The following ZNF317 variants were observed in gnomAD, a reference collection of about 807,000 sequenced individuals.
ZNF317 encodes KRAB-containing zinc finger protein 317.
A neutral mutation model predicts 23.4 loss-of-function variants in ZNF317; 17 were observed. The ratio of observed to expected loss-of-function variants is 0.73; its 90% CI spans 0.50 to 1.09. The LOEUF (loss-of-function observed/expected upper bound fraction) is 1.09. Ranked by LOEUF, ZNF317 falls within the 50% of genes least tolerant of loss-of-function variation. ZNF317 has a pLI of 0.00. For synonymous variants in ZNF317, 317 were observed against 314.9 expected, an observed-to-expected ratio of 1.01 and a Z score of -0.07; for missense variants, 679 against 796.7, an observed-to-expected ratio of 0.85 and a Z score of 1.78.
intron 1 of ZNF317, among the ~76,000 whole-genome samples, chr19:9,142,750 T>G (rs1283573488): frequency 1.3e-5 from 2 of 152,176 alleles, no homozygotes; most frequent in Admixed American, 6.5e-5. Flanking sequence ...ATTAAACCAA[T>G]TGATTTTCTC....
At position 9,162,069 on chromosome 19, in the gene ZNF317, C is replaced by G. The variant is rs1396815040; in HGVS notation, c.*636C>G. ...TCTGAAATACTTCCTGTCATCTGCCCCTTTCCAGAAAAACTTGGCCGACCC... is the reference window on the plus strand; with the variant it reads ...TCTGAAATACTTCCTGTCATCTGCCGCTTTCCAGAAAAACTTGGCCGACCC... On this transcript the variant is annotated 3_prime_UTR_variant, in exon 7 of 7. Transcript: ENST00000247956. The G allele has an allele frequency of 1.3e-5, 2 of 152,160 alleles. No individual in the cohort carries two copies. The highest frequency in any genetic ancestry group is 2.9e-5 in the Non-Finnish European group (2 of 68,094). The allele number at this position is 152,160 out of a possible 1,614,324, so 9.4% of individuals were successfully genotyped here.
At chr19:9,151,257 C>T (rs188223178) in intron 1 of ZNF317, among the ~76,000 whole-genome samples, 24 of 152,300 alleles carry the variant, frequency 1.6e-4, no homozygotes, top group Non-Finnish European at 4.4e-5. Flanking sequence ...ATGAAAGCGT[C>T]ATGCATCTTT....
chr19:9,147,629 G>A (rs943144222), intron 1 of ZNF317, among the ~76,000 whole-genome samples: 39 of 152,258 alleles, frequency 2.6e-4, no homozygotes, highest in African/African-American at 8.2e-4. Context: ...GAGCCACCAC[G>A]CCCGGCTGAT....
Position 9,160,455 on chromosome 19 carries a change from A to T in ZNF317, c.810A>T (p.Arg270Ser), listed in dbSNP as rs2050837133. ...CTTCAGCCCTTAGGAGCCACGCAAG[A>T]ACTCACCTCAAAGAGAAGCCCTTTG... ...NDPSALRSHA[R>S]THLKEKPFDC... The change falls in exon 7 of 7, where the codon AGA becomes AGT. Residue 270 changes from arginine (R) to serine (S), a missense_variant. Transcript: ENST00000247956. This position sits in a 1 kb window ranked among gnomAD's most constrained non-coding sequence, Gnocchi z 6.8. 4 of 1,613,712 alleles carry T rather than the reference A, an allele frequency of 2.5e-6. No individual in the cohort carries two copies. The highest frequency in any genetic ancestry group is 3.4e-6 in the Non-Finnish European group (4 of 1,179,938).
In ZNF317 at chr19:9,160,186, C is replaced by T. The variant is rs1336687484; in HGVS notation, c.541C>T (p.Leu181Phe). ...CGAAGTCTTTGGCATGGACCCTCAT[C>T]TCACTCAGCCAATGGGAAGGCACGC... Reference protein sequence around the residue: ...LFEVFGMDPHLTQPMGRHAGK... With the variant: ...LFEVFGMDPHFTQPMGRHAGK... The change falls in exon 7 of 7, where the codon CTC becomes TTC. Residue 181 changes from leucine to phenylalanine, a missense_variant. Transcript: ENST00000247956. The surrounding 1 kb of genome is among the most constrained non-coding windows in gnomAD (Gnocchi z 6.8). 2 of 1,614,068 alleles carry T rather than the reference C, an allele frequency of 1.2e-6. No homozygotes were observed. Among genetic ancestry groups the T allele is most frequent in the African/African-American group, 2.7e-5 (2 of 74,936 alleles).
At chr19:9,153,286 C>T (rs533641911) in intron 1 of ZNF317, among the ~76,000 whole-genome samples, 30 of 152,038 alleles carry the variant, frequency 2.0e-4, no homozygotes, top group Admixed American at 3.3e-4. Flanking sequence ...CTCAGCCTCC[C>T]GAGTAGCTGG....
intron 1 of ZNF317, among the ~76,000 whole-genome samples, chr19:9,154,672 T>C (rs931657366): frequency 6.6e-6 from 1 of 152,258 alleles, no homozygotes; most frequent in Non-Finnish European, 1.5e-5. Flanking sequence ...ATCAGACTAC[T>C]ACAGACATTT....
Position 9,161,555 on chromosome 19 carries a change from G to A in ZNF317, c.*122G>A. On this transcript the variant is annotated 3_prime_UTR_variant, in exon 7 of 7. Transcript: ENST00000247956. The surrounding 1 kb of genome is among the most constrained non-coding windows in gnomAD (Gnocchi z 4.0). ...AAAGAATCCACGGAACTTGGGAGAAGTCCAGTTCCTGTAAAAACTGGGAAG... is the reference window on the plus strand; with the variant it reads ...AAAGAATCCACGGAACTTGGGAGAAATCCAGTTCCTGTAAAAACTGGGAAG... 3 of 1,428,090 alleles carry A rather than the reference G, an allele frequency of 2.1e-6. No individual in the cohort carries two copies. Among genetic ancestry groups the A allele is most frequent in the Non-Finnish European group, 1.9e-6 (2 of 1,065,102 alleles). 88.5% of individuals were successfully genotyped at this position (1,428,090 alleles called of 1,614,324 possible).
chr19:9,142,736 G>A (rs1187126135), intron 1 of ZNF317, among the ~76,000 whole-genome samples: 1 of 151,924 alleles, frequency 6.6e-6, no homozygotes, highest in Non-Finnish European at 1.5e-5. Flanking sequence ...CTGTAGTGTG[G>A]CAAATTAAAC....
At position 9,152,879 on chromosome 19, in the gene ZNF317, T is replaced by C. The variant is rs28869265; in HGVS notation, c.-92-3046T>C. 6.2e-3 allele frequency among the ~76,000 whole-genome samples: 939 copies of C among 152,256 alleles called. 12 individuals carry two copies. The highest frequency in any genetic ancestry group is 0.022 in the African/African-American group (913 of 41,556). ...CTGCTAGTGTAGATGATCTAATGTG[T>C]TGGTGCATAATTGTTCATGGCATTC... On this transcript the variant is annotated intron_variant, in intron 1 of 6. Coordinates refer to ENST00000247956, the MANE Select transcript of ZNF317 (RefSeq NM_020933.5).
rs1471651145 is a variant in ZNF317, at chr19:9,161,278, C to T, written c.1633C>T (p.Leu545=). ...CGKAFSIGSN[L]NVHRRIHTGE... ...GAAGGCCTTCAGCATAGGCTCCAAC[C>T]TGAATGTGCACAGGCGGATCCACAC... The change falls in exon 7 of 7, where the codon CTG becomes TTG. Residue 545 remains leucine (L), a synonymous_variant. Coordinates refer to ENST00000247956, the MANE Select transcript of ZNF317 (RefSeq NM_020933.5). This position sits in a 1 kb window ranked among gnomAD's most constrained non-coding sequence, Gnocchi z 4.0. The T allele has an allele frequency of 1.2e-6, 2 of 1,613,566 alleles. No homozygotes were observed. Among genetic ancestry groups the T allele is most frequent in the Non-Finnish European group, 1.7e-6 (2 of 1,179,778 alleles).
chr19:9,151,853 A>G (rs1233917590), intron 1 of ZNF317, among the ~76,000 whole-genome samples: 1 of 149,464 alleles, frequency 6.7e-6, no homozygotes, highest in African/African-American at 2.5e-5. Context: ...AATGTCCTTG[A>G]TGTTAATTCT....
chr19:9,163,038 T>A lies in ZNF317; in HGVS notation c.*1605T>A, dbSNP rs2050876877. On this transcript the variant is annotated 3_prime_UTR_variant, in exon 7 of 7. Coordinates refer to ENST00000247956, the MANE Select transcript of ZNF317 (RefSeq NM_020933.5). ...TAGTAAGGTGTGCTAATCTAAATTT[T>A]AAAAAATCTCTTACAGGTTTTCTTG... is the stretch of plus-strand genomic sequence containing the variant. 1 of 152,172 alleles carries A rather than the reference T, an allele frequency of 6.6e-6. No individual in the cohort carries two copies. The highest frequency in any genetic ancestry group is 2.4e-5 in the African/African-American group (1 of 41,428). 9.4% of individuals were successfully genotyped at this position (152,172 alleles called of 1,614,324 possible).
intron 1 of ZNF317, among the ~76,000 whole-genome samples, chr19:9,153,160 G>A (rs1386386642): frequency 1.4e-5 from 2 of 140,634 alleles, no homozygotes; most frequent in East Asian, 3.9e-4. Flanking sequence ...TTGTTTGTTT[G>A]TTTGTTTGTT....
chr19:9,149,222 G>T (rs1292632960), intron 1 of ZNF317, among the ~76,000 whole-genome samples: 1 of 152,118 alleles, frequency 6.6e-6, no homozygotes, highest in Non-Finnish European at 1.5e-5. Flanking sequence ...GCAGGGGTTT[G>T]CATTTTAAAA....
intron 1 of ZNF317, among the ~76,000 whole-genome samples, chr19:9,149,877 C>T (rs1364439771): frequency 6.6e-6 from 1 of 152,110 alleles, no homozygotes; most frequent in African/African-American, 2.4e-5. Context: ...TTGGAATGTT[C>T]TAGAAGAGAA....
intron 4 of ZNF317, 125 bp from the exon 5 acceptor site, chr19:9,157,855 G>C: frequency 7.1e-7 from 1 of 1,406,414 alleles, no homozygotes; most frequent in South Asian, 1.7e-5. Context: ...CCACCATTTT[G>C]CTGCTCCTAA....
At position 9,158,047 on chromosome 19, in the gene ZNF317, GA is replaced by G; in HGVS notation, c.358del (p.Arg120GlyfsTer35). The G allele has an allele frequency of 1.3e-6, 2 of 1,551,490 alleles. No individual in the cohort carries two copies. Among genetic ancestry groups the G allele is most frequent in the Non-Finnish European group, 1.7e-6 (2 of 1,146,932 alleles). The part of the protein sequence containing the change: ...EQEEEPRTEE[R>X]GAHQGACADW... ...AGGAGGAGGAGCCGAGGACAGAGGA[GA>G]GGGGCGCTCACCAGGGCGCTTGTGC... On this transcript the variant is annotated frameshift_variant, in exon 5 of 7. Transcript: ENST00000247956. LOFTEE classifies it high-confidence loss of function.
chr19:9,143,666 A>G (rs2033483), intron 1 of ZNF317, among the ~76,000 whole-genome samples: 11,026 of 151,598 alleles, frequency 0.073, 542 homozygotes, highest in Middle Eastern at 0.11. Context: ...GCACATAGTT[A>G]TTGAACTGCC....
Sources: allele counts gnomAD v4.1 joint callset (sites outside exome capture counted in the v4.1 genomes callset), GRCh38; gene constraint gnomAD v4.1.1; non-coding constraint Gnocchi (gnomAD v3.1); transcripts MANE v1.5; gene names NCBI Gene and HGNC (gene_info 2026-07-23, HGNC 2026-07-21).